PCDHGA10: variants seen among roughly 807,000 people sequenced by gnomAD.
PCDHGA10 encodes protocadherin gamma-A10.
A neutral mutation model predicts 59.5 loss-of-function variants in PCDHGA10; 42 were observed. The observed-to-expected ratio is 0.71, with a 90% CI of 0.55 to 0.91. The LOEUF is 0.91. PCDHGA10 is among the 40% of genes least tolerant of loss of function. The pLI, the probability that PCDHGA10 is intolerant of heterozygous loss-of-function variation, is 0.00. For synonymous variants in PCDHGA10, 511 were observed against 517.2 expected (o/e 0.99, Z 0.16); for missense variants, 1,111 against 1,198.2 (o/e 0.93, Z 1.07).
intron 1 of PCDHGA10, among the ~76,000 whole-genome samples, chr5:141,447,542 T>G (rs980012061): frequency 1.3e-5 from 2 of 152,216 alleles, no homozygotes; most frequent in African/African-American, 4.8e-5. Context: ...TGGGTTTTAA[T>G]GTTATGAGTA....
chr5:141,474,985 C>T (rs2099357651), intron 1 of PCDHGA10, among the ~76,000 whole-genome samples: 1 of 152,202 alleles, frequency 6.6e-6, no homozygotes, highest in Non-Finnish European at 1.5e-5. Context: ...TGTTTGGTGA[C>T]AACAATTCTA....
chr5:141,490,923 C>T lies in PCDHGA10; in HGVS notation c.2437-3884C>T. The T allele has an allele frequency of 6.2e-7, 1 of 1,613,668 alleles. No homozygotes were observed. Among genetic ancestry groups the T allele is most frequent in the South Asian group, 1.1e-5 (1 of 91,050 alleles). On this transcript the variant is annotated intron_variant, in intron 1 of 3. Coordinates refer to ENST00000398610, the MANE Select transcript of PCDHGA10 (RefSeq NM_018913.3). The surrounding 1 kb of genome is among the most constrained non-coding windows in gnomAD (Gnocchi z 5.4). ...TTGTCCTAGACGAGAATGATAATGC[C>T]CCAGCTGTGCTGCACCCACGGCCAG...
intron 2 of PCDHGA10, among the ~76,000 whole-genome samples, chr5:141,497,332 A>G (rs537994715): frequency 6.6e-6 from 1 of 152,024 alleles, no homozygotes; most frequent in Non-Finnish European, 1.5e-5. Context: ...AGAATTCACC[A>G]TTGAACCTGG....
Position 141,511,381 on chromosome 5 carries a change from G to C in PCDHGA10, c.*208G>C. 8.5e-7 allele frequency: 1 copy of C among 1,170,380 alleles called. No individual in the cohort carries two copies. Among genetic ancestry groups the C allele is most frequent in the Non-Finnish European group, 1.2e-6 (1 of 854,768 alleles). 72.5% of individuals were successfully genotyped at this position (1,170,380 alleles called of 1,614,324 possible). On this transcript the variant is annotated 3_prime_UTR_variant, in exon 4 of 4. Coordinates refer to ENST00000398610, the MANE Select transcript of PCDHGA10 (RefSeq NM_018913.3). The stretch of plus-strand genomic sequence containing the variant: ...GGGTTGAATATGCAAAAGCAGTTCC[G>C]CTGGGAACCCCCATCCAATCAACTG...
chr5:141,421,069 A>T, intron 1 of PCDHGA10: 1 of 598,532 alleles, frequency 1.7e-6, no homozygotes, highest in Non-Finnish European at 2.8e-6. Context: ...AAGCGGAATG[A>T]GATGGATACT....
intron 1 of PCDHGA10, among the ~76,000 whole-genome samples, chr5:141,494,100 G>T (rs559145191): frequency 6.6e-6 from 1 of 152,152 alleles, no homozygotes; most frequent in Non-Finnish European, 1.5e-5. Flanking sequence ...ATTTTTCTCC[G>T]TCTCAGACAG....
chr5:141,415,519 A>G lies in PCDHGA10; in HGVS notation c.2344A>G (p.Thr782Ala). 6.2e-7 allele frequency: 1 copy of G among 1,614,182 alleles called. No individual in the cohort carries two copies. The highest frequency in any genetic ancestry group is 8.5e-7 in the Non-Finnish European group (1 of 1,180,036). ...CTTCCCCCAGCCCAATTATGCGGAC[A>G]CGCTCATCAGCCAGGAGAGCTGTGA... ...LIFPQPNYADTLISQESCEKN... is the reference protein window; with the variant it reads ...LIFPQPNYADALISQESCEKN... Residue 782 changes from threonine (T) to alanine (A), a missense_variant, in exon 1 of 4, where the codon ACG becomes GCG. Coordinates refer to ENST00000398610, the MANE Select transcript of PCDHGA10 (RefSeq NM_018913.3).
At chr5:141,422,665 C>T in intron 1 of PCDHGA10, 2 of 1,608,390 alleles carry the variant, frequency 1.2e-6, no homozygotes, top group Non-Finnish European at 8.5e-7. Context: ...CGCCCTCGAC[C>T]CGGACAGCAA....
chr5:141,461,921 T>G (rs2099026403), intron 1 of PCDHGA10, among the ~76,000 whole-genome samples: 1 of 152,222 alleles, frequency 6.6e-6, no homozygotes, highest in Non-Finnish European at 1.5e-5. Flanking sequence ...CCTCCTGGGT[T>G]CCAGCAATTC....
chr5:141,444,373 G>A (rs2098434682), intron 1 of PCDHGA10, among the ~76,000 whole-genome samples: 1 of 151,902 alleles, frequency 6.6e-6, no homozygotes, highest in South Asian at 2.1e-4. Context: ...GTTTCTCCAT[G>A]TTGGTCAGGC....
chr5:141,436,931 G>A (rs1026520169), intron 1 of PCDHGA10, among the ~76,000 whole-genome samples: 1 of 152,114 alleles, frequency 6.6e-6, no homozygotes, highest in Non-Finnish European at 1.5e-5. Context: ...CTTTTTCTTT[G>A]TCTGAACCAT....
At position 141,484,932 on chromosome 5, in the gene PCDHGA10, C is replaced by T. The variant is rs1594431677; in HGVS notation, c.2437-9875C>T. On this transcript the variant is annotated intron_variant, in intron 1 of 3. Coordinates refer to ENST00000398610, the MANE Select transcript of PCDHGA10 (RefSeq NM_018913.3). ...CGCATTAACCCTGCTGCTGTTGGGA[C>T]GTTCTCTGCTCAGCCTATTGGCTGA... 1.2e-5 allele frequency: 6 copies of T among 501,356 alleles called. No individual in the cohort carries two copies. The East Asian group carries it at 1.4e-4, about 12-fold the overall frequency. 31.1% of individuals were successfully genotyped at this position (501,356 alleles called of 1,614,324 possible).
intron 1 of PCDHGA10, among the ~76,000 whole-genome samples, chr5:141,460,508 G>C (rs1390313220): frequency 6.6e-6 from 1 of 152,040 alleles, no homozygotes; most frequent in East Asian, 1.9e-4. Context: ...TGCTGAGAAG[G>C]CTATCTTTTC....
intron 1 of PCDHGA10, among the ~76,000 whole-genome samples, chr5:141,447,535 G>T (rs1366016262): frequency 3.3e-5 from 5 of 152,162 alleles, no homozygotes; most frequent in Admixed American, 6.5e-5. Flanking sequence ...AAATTGTTGG[G>T]TTTTAATGTT....
rs767197233 is a variant in PCDHGA10, at chr5:141,418,642, C to T, written c.2436+3031C>T. On this transcript the variant is annotated intron_variant, in intron 1 of 3. Coordinates refer to ENST00000398610, the MANE Select transcript of PCDHGA10 (RefSeq NM_018913.3). ...AAGACGTGCCTCCAGGCACCTCCAT[C>T]CTGAGAGTGAAGGCCACTGACCAGG... The T allele has an allele frequency of 2.3e-5, 37 of 1,614,028 alleles. No individual in the cohort carries two copies. In the South Asian group the frequency reaches 3.6e-4, roughly 16 times the overall value.
At chr5:141,468,346 A>AG (rs2099164784) in intron 1 of PCDHGA10, 33 of 147,324 alleles carry the variant, frequency 2.2e-4, no homozygotes, top group Middle Eastern at 6.9e-3. Flanking sequence ...AAAAAAAAAA[A>AG]AAAGAAAGAA....
At position 141,432,898 on chromosome 5, in the gene PCDHGA10, G is replaced by C. The variant is rs746913952; in HGVS notation, c.2436+17287G>C. ...TGGCCTTCGTCATCTTGCTGCTGGC[G>C]CTCAGGCTGCGGCGCTGGCACAAGT... On this transcript the variant is annotated intron_variant, in intron 1 of 3. Coordinates refer to ENST00000398610, the MANE Select transcript of PCDHGA10 (RefSeq NM_018913.3). The surrounding 1 kb of genome is among the most constrained non-coding windows in gnomAD (Gnocchi z 6.0). 28 of 1,614,056 alleles carry C rather than the reference G, an allele frequency of 1.7e-5. No individual in the cohort carries two copies. In the African/African-American group the frequency reaches 2.4e-4, roughly 14 times the overall value.
rs556415227 is a variant in PCDHGA10, at chr5:141,476,903, G to A, written c.2437-17904G>A. ...GGAGGATGCACCCTCCGGCACGCGC[G>A]TGGTACAAGTCCTTGCAACGGATCT... On this transcript the variant is annotated intron_variant, in intron 1 of 3. Transcript: ENST00000398610. This position sits in a 1 kb window ranked among gnomAD's most constrained non-coding sequence, Gnocchi z 7.6. The A allele has an allele frequency of 1.4e-5, 22 of 1,614,018 alleles. No homozygotes were observed. In the African/African-American group the frequency reaches 1.7e-4, roughly 13 times the overall value.
intron 1 of PCDHGA10, among the ~76,000 whole-genome samples, chr5:141,480,959 C>A (rs1476891394): frequency 1.3e-5 from 2 of 152,086 alleles, no homozygotes; most frequent in East Asian, 3.8e-4. Flanking sequence ...GCGGAAGCAT[C>A]AGTGAGGGAG....
Sources: gnomAD v4.1 joint callset for allele counts (sites outside exome capture counted in the v4.1 genomes callset) on GRCh38, gnomAD v4.1.1 for gene constraint, Gnocchi (gnomAD v3.1) non-coding constraint, MANE v1.5 for transcripts, NCBI Gene and HGNC (gene_info 2026-07-23, HGNC 2026-07-21) for gene names.